Variants in CAMSAP1 observed in about 807,000 individuals in gnomAD.
The protein encoded by CAMSAP1 is calmodulin regulated spectrin associated protein 1.
In CAMSAP1, 58 loss-of-function variants were observed where a neutral mutation model predicts 143.5. That is an observed-to-expected ratio of 0.40 (90% CI 0.33 to 0.50). CAMSAP1 has a LOEUF of 0.50. Among genes scored for constraint, CAMSAP1 ranks in the 20% least tolerant of loss-of-function variants. The pLI is 0.45. For missense variants in CAMSAP1, 1,969 were observed against 2,115.7 expected (o/e 0.93, Z 1.36); for synonymous variants, 945 against 859.3 (o/e 1.10, Z -1.74).
chr9:135,905,638 G>A (rs1249083913), intron 1 of CAMSAP1, among the ~76,000 whole-genome samples: 1 of 152,228 alleles, frequency 6.6e-6, no homozygotes, highest in East Asian at 1.9e-4. Flanking sequence ...AGAACGTAAC[G>A]TGGGATAAGG....
At chr9:135,903,420 C>T (rs1838675487) in intron 1 of CAMSAP1, among the ~76,000 whole-genome samples, 2 of 152,248 alleles carry the variant, frequency 1.3e-5, no homozygotes, top group Non-Finnish European at 2.9e-5. Flanking sequence ...CCCAAGGCGG[C>T]CACAATTCTT....
In CAMSAP1 at chr9:135,811,107, T is replaced by A. The variant is rs938525193; in HGVS notation, c.*202A>T. The stretch of plus-strand genomic sequence containing the variant: ...TCCCCCATCCTCACCCTGCCTGGCA[T>A]CCTCTGCGTGAGATGAGCGCTGAGA... On this transcript the variant is annotated 3_prime_UTR_variant, in exon 17 of 17. Transcript: ENST00000389532. The surrounding 1 kb of genome is among the most constrained non-coding windows in gnomAD (Gnocchi z 4.9). The A allele has an allele frequency of 2.0e-5, 13 of 635,014 alleles. No individual in the cohort carries two copies. Among genetic ancestry groups the A allele is most frequent in the Non-Finnish European group, 3.2e-5 (12 of 372,592 alleles). The allele number at this position is 635,014 out of a possible 1,614,324, so 39.3% of individuals were successfully genotyped here. A position where few individuals can be genotyped will look rare whatever the true frequency, so the allele number is the denominator to read the frequency against.
intron 1 of CAMSAP1, among the ~76,000 whole-genome samples, chr9:135,902,382 T>C (rs1209968881): frequency 2.0e-5 from 3 of 152,150 alleles, no homozygotes; most frequent in African/African-American, 7.2e-5. Context: ...CCAACCACTG[T>C]TGCCCTCCTG....
intron 3 of CAMSAP1, among the ~76,000 whole-genome samples, chr9:135,870,222 G>A (rs904356753): frequency 6.6e-6 from 1 of 152,132 alleles, no homozygotes; most frequent in African/African-American, 2.4e-5. Flanking sequence ...ATCATGGGAA[G>A]GTTTTCTCCA....
rs72771944 is a variant in CAMSAP1 at position 135,887,341 on chromosome 9, G to A, written c.161-4263C>T. 9.7e-3 allele frequency among the ~76,000 whole-genome samples: 1,471 copies of A among 152,314 alleles called. 17 individuals carry two copies. The highest frequency in any genetic ancestry group is 0.016 in the Non-Finnish European group (1,092 of 68,034). On this transcript the variant is annotated intron_variant, in intron 1 of 16. Coordinates refer to ENST00000389532, the MANE Select transcript of CAMSAP1 (RefSeq NM_015447.4). ...ATGCATGAAGACCACAGAGCCCGCCGGACTCAGCTGGCAGCCTCGGGAAGA... is the reference window on the plus strand; with the variant it reads ...ATGCATGAAGACCACAGAGCCCGCCAGACTCAGCTGGCAGCCTCGGGAAGA...
chr9:135,844,941 C>G (rs1302663395), intron 7 of CAMSAP1, among the ~76,000 whole-genome samples: 1 of 152,134 alleles, frequency 6.6e-6, no homozygotes, highest in African/African-American at 2.4e-5. Flanking sequence ...ACCAGAGGTA[C>G]AAAGAGGAGC....
Position 135,821,919 on chromosome 9 carries a change from TGCAGCCTTGCCGAGCTTCAGGC to T in CAMSAP1, c.2720_2741del (p.Arg907HisfsTer6). 3 of 1,613,538 alleles carry T rather than the reference TGCAGCCTTGCCGAGCTTCAGGC, an allele frequency of 1.9e-6. No homozygotes were observed. Among genetic ancestry groups the T allele is most frequent in the Non-Finnish European group, 2.5e-6 (3 of 1,179,786 alleles). ...TGCCCTTCTTCACCACATGCAGGAA[TGCAGCCTTGCCGAGCTTCAGGC>T]GCTGCCTTGCCGACAGCGCCTCCAT... On this transcript the variant is annotated frameshift_variant, in exon 11 of 17. Coordinates refer to ENST00000389532, the MANE Select transcript of CAMSAP1 (RefSeq NM_015447.4). LOFTEE classifies it high-confidence loss of function. This position sits in a 1 kb window ranked among gnomAD's most constrained non-coding sequence, Gnocchi z 4.6.
At position 135,811,518 on chromosome 9, in the gene CAMSAP1, C is replaced by G. The variant is rs1248571741; in HGVS notation, c.4600G>C (p.Glu1534Gln). ...GTGCCAGTGAGTTTGTAGATTTCCT[C>G]AGTATCAGGATAGTAGCAGTAAAGC... ...RALYCYYPDT[E>Q]EIYKLTGTGP... is the part of the protein sequence containing the mutation. The change falls in exon 17 of 17, where the codon GAG becomes CAG. Residue 1534 changes from glutamate (E) to glutamine (Q), a missense_variant. Coordinates refer to ENST00000389532, the MANE Select transcript of CAMSAP1 (RefSeq NM_015447.4). The surrounding 1 kb of genome is among the most constrained non-coding windows in gnomAD (Gnocchi z 4.9). 1 of 1,608,764 alleles carries G rather than the reference C, an allele frequency of 6.2e-7. No homozygotes were observed. The highest frequency in any genetic ancestry group is 1.7e-5 in the Admixed American group (1 of 59,134).
rs891384374 is a variant in CAMSAP1 at position 135,826,644 on chromosome 9, C to T, written c.1223+763G>A. ...ATTCACTTATGTGAATTATTTAAAA[C>T]CACTTTTAAATAGCGTCTTCATCTT... On this transcript the variant is annotated intron_variant, in intron 8 of 16. Transcript: ENST00000389532. This position sits in a 1 kb window ranked among gnomAD's most constrained non-coding sequence, Gnocchi z 4.4. Among the ~76,000 whole-genome samples, 1 of 152,212 alleles carries T rather than the reference C, an allele frequency of 6.6e-6. No homozygotes were observed. The highest frequency in any genetic ancestry group is 6.5e-5 in the Admixed American group (1 of 15,278).
intron 1 of CAMSAP1, among the ~76,000 whole-genome samples, chr9:135,888,435 C>T (rs62585184): frequency 0.12 from 18,814 of 152,172 alleles, 1,392 homozygotes; most frequent in Non-Finnish European, 0.17. Context: ...ACAACTGTGG[C>T]CACTGCCCAA....
intron 1 of CAMSAP1, among the ~76,000 whole-genome samples, chr9:135,902,757 C>T (rs187348590): frequency 7.3e-4 from 100 of 136,962 alleles, no homozygotes; most frequent in Non-Finnish European, 1.2e-3. Context: ...TCGAATTACT[C>T]TAGCAAGAGA....
At chr9:135,901,017 G>T (rs1307980729) in intron 1 of CAMSAP1, among the ~76,000 whole-genome samples, 1 of 152,140 alleles carries the variant, frequency 6.6e-6, no homozygotes, top group African/African-American at 2.4e-5. Flanking sequence ...ACGTCCCAAA[G>T]TGCTGGGATT....
intron 5 of CAMSAP1, among the ~76,000 whole-genome samples, chr9:135,862,258 A>C (rs1837223495): frequency 1.3e-5 from 2 of 149,740 alleles, no homozygotes; most frequent in East Asian, 2.0e-4. Context: ...AGCTAATTTC[A>C]AAGTGCAGTT....
At chr9:135,870,354 G>A (rs1052478906) in intron 3 of CAMSAP1, among the ~76,000 whole-genome samples, 2 of 151,986 alleles carry the variant, frequency 1.3e-5, no homozygotes, top group Admixed American at 1.3e-4. Flanking sequence ...TTCCCCTTCC[G>A]CCATGATTGT....
At position 135,823,148 on chromosome 9, in the gene CAMSAP1, C is replaced by T; in HGVS notation, c.1513G>A (p.Ala505Thr). ...GGGGTCAGATTAACAATGTTGGATG[C>T]CAAACTGTCTTTGCTGATGGAGCGG... Reference protein sequence around the residue: ...LARSISKDSLASNIVNLTPQN... With the variant: ...LARSISKDSLTSNIVNLTPQN... Residue 505 changes from alanine to threonine, a missense_variant, in exon 11 of 17, where the codon GCA becomes ACA. Ala to Thr is a moderately conservative substitution (Grantham distance 58, BLOSUM62 0). Around this residue, in one of 4 missense-constraint regions of CAMSAP1, gnomAD observed 1,390 missense variants for 1,420.8 expected, o/e 0.98. Transcript: ENST00000389532. The T allele has an allele frequency of 2.5e-6, 4 of 1,613,038 alleles. No individual in the cohort carries two copies. The highest frequency in any genetic ancestry group is 2.5e-6 in the Non-Finnish European group (3 of 1,179,220).
intron 1 of CAMSAP1, among the ~76,000 whole-genome samples, chr9:135,905,944 T>C (rs1838763500): frequency 6.6e-6 from 1 of 152,212 alleles, no homozygotes; most frequent in Non-Finnish European, 1.5e-5. Context: ...ACACAGAAAC[T>C]AAGGTTCCAC....
At chr9:135,899,542 C>G (rs1269251360) in intron 1 of CAMSAP1, among the ~76,000 whole-genome samples, 1 of 152,126 alleles carries the variant, frequency 6.6e-6, no homozygotes, top group East Asian at 1.9e-4. Context: ...CTCCCCTCCT[C>G]AGAAACCTTC....
chr9:135,864,728 A>G (rs1837313772), intron 4 of CAMSAP1, among the ~76,000 whole-genome samples: 1 of 152,344 alleles, frequency 6.6e-6, no homozygotes, highest in Non-Finnish European at 1.5e-5. Context: ...AACTCCAGAA[A>G]GCCTGTGGCC....
rs181401240 is a variant in CAMSAP1, at chr9:135,889,818, G to A, written c.161-6740C>T. Reference sequence around the variant, plus strand: ...GCCAGAGGCTCTGCACCTGAGGCCCGGCCGGCCACCCTCATTCACACCTCA... The same window carrying A: ...GCCAGAGGCTCTGCACCTGAGGCCCAGCCGGCCACCCTCATTCACACCTCA... On this transcript the variant is annotated intron_variant, in intron 1 of 16. Coordinates refer to ENST00000389532, the MANE Select transcript of CAMSAP1 (RefSeq NM_015447.4). Among the ~76,000 whole-genome samples the A allele has an allele frequency of 1.2e-3, 182 of 152,250 alleles. 2 individuals are homozygous for A. The highest frequency in any genetic ancestry group is 4.6e-4 in the Non-Finnish European group (31 of 68,008).
Sources: allele counts gnomAD v4.1 joint callset (sites outside exome capture counted in the v4.1 genomes callset), GRCh38; gene constraint gnomAD v4.1.1; regional missense constraint gnomAD v4.1.1; non-coding constraint Gnocchi (gnomAD v3.1); transcripts MANE v1.5; gene names NCBI Gene and HGNC (gene_info 2026-07-23, HGNC 2026-07-21).